Variants in COL17A1 observed in about 807,000 individuals in gnomAD.
The protein encoded by COL17A1 is collagen type XVII alpha 1 chain, also known as collagen alpha-1(XVII) chain.
COL17A1 carries 181 observed loss-of-function variants against 218.4 expected under a neutral mutation model. The observed-to-expected ratio is 0.83, with a 90% CI of 0.73 to 0.94. The LOEUF (loss-of-function observed/expected upper bound fraction) is 0.94, where lower values mean the gene tolerates loss of function less well. COL17A1 is among the 40% of genes least tolerant of loss of function. The pLI, the probability that COL17A1 is intolerant of heterozygous loss-of-function variation, is 0.00. For synonymous variants in COL17A1, 721 were observed against 731.0 expected, an observed-to-expected ratio of 0.99 and a Z score of 0.22; for missense variants, 1,924 against 1,945.9, an observed-to-expected ratio of 0.99 and a Z score of 0.21.
chr10:104,077,065 T>C (rs996949677), intron 4 of COL17A1, among the ~76,000 whole-genome samples: 2 of 152,230 alleles, frequency 1.3e-5, no homozygotes, highest in Non-Finnish European at 2.9e-5. Context: ...CATTGTTCTC[T>C]AAAGAGATGG....
intron 11 of COL17A1, among the ~76,000 whole-genome samples, 154 bp from the exon 12 acceptor site, chr10:104,062,483 T>A (rs933038863): frequency 6.6e-6 from 1 of 152,246 alleles, no homozygotes; most frequent in Non-Finnish European, 1.5e-5. Context: ...TGTAACGTAG[T>A]AAATTTGTTA....
At chr10:104,048,379 G>A (rs927836896) in intron 29 of COL17A1, among the ~76,000 whole-genome samples, 9 of 152,164 alleles carry the variant, frequency 5.9e-5, no homozygotes, top group African/African-American at 1.9e-4. Flanking sequence ...GCGTTTACTT[G>A]AGGGCCTAGA....
chr10:104,034,705 G>T lies in COL17A1; in HGVS notation c.3682C>A (p.Pro1228Thr). Residue 1228 changes from proline to threonine, a missense_variant, in exon 51 of 56, where the codon CCC (proline) becomes ACC (threonine). By Grantham distance (38) the Pro-to-Thr change is conservative (BLOSUM62 -1). Coordinates refer to ENST00000648076, the MANE Select transcript of COL17A1 (RefSeq NM_000494.4). ...GCCAGGGCTCCTGAGACACCCGGGG[G>T]CCCTCGAGGCCCTGGGGGACCAGGA... ...GPPGPPGPRG[P>T]PGVSGALATY... 1 of 1,610,804 alleles carries T rather than the reference G, an allele frequency of 6.2e-7. No individual in the cohort carries two copies. Among genetic ancestry groups the T allele is most frequent in the Non-Finnish European group, 8.5e-7 (1 of 1,178,964 alleles).
In COL17A1 at chr10:104,056,092, G is replaced by A. The variant is rs1482991948; in HGVS notation, c.1466-89C>T. On this transcript the variant is annotated intron_variant, in intron 17 of 55. Coordinates refer to ENST00000648076, the MANE Select transcript of COL17A1 (RefSeq NM_000494.4). ...TCCTAGTGGAGAGCCTGACACAAGG[G>A]ATTGGGGCCTGTGGTGGCTTCTTCA... The A allele has an allele frequency of 5.4e-6, 8 of 1,483,682 alleles. No homozygotes were observed. The African/African-American group carries it at 8.3e-5, about 15-fold the overall frequency. The allele number at this position is 1,483,682 out of a possible 1,614,324, so 91.9% of individuals were successfully genotyped here.
At chr10:104,056,494 A>G (rs919926137) in intron 17 of COL17A1, among the ~76,000 whole-genome samples, 4 of 152,134 alleles carry the variant, frequency 2.6e-5, no homozygotes, top group Non-Finnish European at 5.9e-5. Flanking sequence ...AGGCAGGAGA[A>G]TCGCTTGAAC....
intron 48 of COL17A1, among the ~76,000 whole-genome samples, 166 bp downstream of exon 48, chr10:104,036,326 T>C (rs1465644790): frequency 2.7e-5 from 4 of 150,788 alleles, no homozygotes; most frequent in African/African-American, 9.8e-5. Context: ...CTTCTTGACC[T>C]GCTCCAGGCT....
At position 104,034,601 on chromosome 10, in the gene COL17A1, A is replaced by G; in HGVS notation, c.3766+20T>C. On this transcript the variant is annotated intron_variant, in intron 51 of 55. Transcript: ENST00000648076. ...AGGCCTGCGGGGTGCCTGGTGGGGC[A>G]TCACCGTCGGGGCACCTACTTGTGA... 2 of 1,607,022 alleles carry G rather than the reference A, an allele frequency of 1.2e-6. No homozygotes were observed. Among genetic ancestry groups the G allele is most frequent in the Non-Finnish European group, 1.7e-6 (2 of 1,176,706 alleles).
At position 104,035,211 on chromosome 10, in the gene COL17A1, C is replaced by G. The variant is rs1405968867; in HGVS notation, c.3619+52G>C. 4 of 1,498,434 alleles carry G rather than the reference C, an allele frequency of 2.7e-6. No homozygotes were observed. In the East Asian group the frequency reaches 9.3e-5, roughly 35 times the overall value. The allele number at this position is 1,498,434 out of a possible 1,614,324, so 92.8% of individuals were successfully genotyped here. A position where few individuals can be genotyped will look rare whatever the true frequency, so the allele number is the denominator to read the frequency against. On this transcript the variant is annotated intron_variant, in intron 50 of 55. Transcript: ENST00000648076. ...CCTTGCTAAAGCCCATGGGAGCCCC[C>G]AAGGCCCGGCTGCATCCCCTGCCCT...
At chr10:104,046,624 G>T in intron 32 of COL17A1, 123 bp downstream of exon 32, 4 of 894,728 alleles carry the variant, frequency 4.5e-6, no homozygotes, top group Non-Finnish European at 7.5e-6. Context: ...TAGTGAAAGG[G>T]AGTGTGTGCC....
At chr10:104,051,005 C>T in intron 25 of COL17A1, 104 bp from the exon 26 acceptor site, 2 of 1,567,982 alleles carry the variant, frequency 1.3e-6, no homozygotes, top group Non-Finnish European at 1.7e-6. Context: ...CATATGCACA[C>T]ACCCTATAGT....
intron 9 of COL17A1, among the ~76,000 whole-genome samples, chr10:104,066,664 G>A (rs979108749): frequency 3.3e-5 from 5 of 152,176 alleles, no homozygotes; most frequent in African/African-American, 1.2e-4. Flanking sequence ...ATCTCACAAA[G>A]TAGAGGACAG....
chr10:104,039,315 T>G, intron 43 of COL17A1, 130 bp downstream of exon 43: 1 of 1,151,538 alleles, frequency 8.7e-7, no homozygotes, highest in Non-Finnish European at 1.3e-6. Flanking sequence ...TGGCCTTTCC[T>G]TCCTCCAGCC....
chr10:104,038,225 CACACAT>C (rs1340278904), intron 45 of COL17A1, among the ~76,000 whole-genome samples, 175 bp downstream of exon 45: 3 of 111,520 alleles, frequency 2.7e-5, no homozygotes, highest in African/African-American at 1.1e-4. Flanking sequence ...GACACATAGA[CACACAT>C]ACACACACAC....
At chr10:104,056,912 G>T in intron 17 of COL17A1, 63 bp downstream of exon 17, 1 of 1,548,472 alleles carries the variant, frequency 6.5e-7, no homozygotes, top group Non-Finnish European at 8.7e-7. Flanking sequence ...CTGCCCTTCT[G>T]ACAGGCAGTG....
chr10:104,033,399 A>T, intron 52 of COL17A1, 24 bp from the exon 53 acceptor site: 1 of 1,608,094 alleles, frequency 6.2e-7, no homozygotes, highest in Non-Finnish European at 8.5e-7. Context: ...GAGCTTGGGC[A>T]CAGGAAGCAG....
At position 104,048,068 on chromosome 10, in the gene COL17A1, C is replaced by T; in HGVS notation, c.2263+1G>A. ...CTGGGGGCAGCAGATGAGTGACCAA[C>T]CTCTTGGGCCTTGGTGTCCGTCTGG... On this transcript the variant is annotated splice_donor_variant, in intron 30 of 55. Coordinates refer to ENST00000648076, the MANE Select transcript of COL17A1 (RefSeq NM_000494.4). LOFTEE classifies it high-confidence loss of function. 6.2e-7 allele frequency: 1 copy of T among 1,614,170 alleles called. No individual in the cohort carries two copies. Among genetic ancestry groups the T allele is most frequent in the East Asian group, 2.2e-5 (1 of 44,880 alleles).
At chr10:104,077,590 C>G (rs1033657042) in intron 3 of COL17A1, 64 bp from the exon 4 acceptor site, 39 of 1,371,308 alleles carry the variant, frequency 2.8e-5, no homozygotes, top group Admixed American at 5.8e-5. Context: ...CCCCTGGTCC[C>G]CCACCCTGTG....
chr10:104,064,399 T>C (rs753950007), intron 10 of COL17A1, 39 bp downstream of exon 10: 1 of 1,613,364 alleles, frequency 6.2e-7, no homozygotes, highest in South Asian at 1.1e-5. Context: ...GCATGCCGAG[T>C]TCAGGGGTGA....
At chr10:104,039,786 A>G (rs1263673090) in intron 41 of COL17A1, 146 bp from the exon 42 acceptor site, 6 of 1,090,058 alleles carry the variant, frequency 5.5e-6, no homozygotes, top group Admixed American at 2.2e-5. Flanking sequence ...ACACACACAC[A>G]CACACACACG....
Sources: gnomAD v4.1 joint callset for allele counts (sites outside exome capture counted in the v4.1 genomes callset) on GRCh38, gnomAD v4.1.1 for gene constraint, MANE v1.5 for transcripts, NCBI Gene and HGNC (gene_info 2026-07-23, HGNC 2026-07-21) for gene names.